SPAG16: variants seen among roughly 807,000 people sequenced by gnomAD.
SPAG16 encodes the protein sperm associated antigen 16, also known as sperm-associated antigen 16 protein.
Under a neutral mutation model 80.4 loss-of-function variants are expected in SPAG16, and 86 were observed. The ratio of observed to expected loss-of-function variants is 1.07; its 90% CI spans 0.90 to 1.28. The LOEUF (loss-of-function observed/expected upper bound fraction) is 1.28, where lower values mean the gene tolerates loss of function less well. SPAG16 is among the 50% of genes most tolerant of loss of function. SPAG16 has a pLI of 0.00. For synonymous variants in SPAG16, 294 were observed against 265.9 expected (o/e 1.11, Z -1.03); for missense variants, 870 against 765.3 (o/e 1.14, Z -1.61).
intron 9 of SPAG16, among the ~76,000 whole-genome samples, chr2:213,391,855 T>G (rs2067771265): frequency 6.6e-6 from 1 of 152,200 alleles, no homozygotes; most frequent in Non-Finnish European, 1.5e-5. Context: ...TGAGTATAGT[T>G]TCCCTGTTTC....
intron 15 of SPAG16, among the ~76,000 whole-genome samples, chr2:214,256,782 T>C (rs1196527189): frequency 2.0e-5 from 3 of 151,834 alleles, no homozygotes; most frequent in Non-Finnish European, 4.4e-5. Context: ...TGATCTATTG[T>C]CAATTTTTAT....
chr2:213,424,982 T>C (rs1355624798), intron 9 of SPAG16, among the ~76,000 whole-genome samples: 1 of 152,152 alleles, frequency 6.6e-6, no homozygotes, highest in Non-Finnish European at 1.5e-5. Flanking sequence ...GTGTCTAGTG[T>C]TTTTGTCAGG....
At chr2:214,167,068 A>G (rs1224536022) in intron 15 of SPAG16, among the ~76,000 whole-genome samples, 2 of 152,176 alleles carry the variant, frequency 1.3e-5, no homozygotes, top group Non-Finnish European at 2.9e-5. Flanking sequence ...GTTAGCATTT[A>G]TACCTAATGG....
At chr2:213,861,833 A>G (rs2075478534) in intron 10 of SPAG16, among the ~76,000 whole-genome samples, 1 of 152,034 alleles carries the variant, frequency 6.6e-6, no homozygotes, top group Admixed American at 6.6e-5. Flanking sequence ...CTTCTTTCTC[A>G]TTTCCCTCTA....
chr2:213,468,960 GTC>G (rs995051018), intron 9 of SPAG16, among the ~76,000 whole-genome samples: 3 of 151,956 alleles, frequency 2.0e-5, no homozygotes, highest in Non-Finnish European at 4.4e-5. Context: ...ACAATTTTCT[GTC>G]TGCTTTATAT....
intron 10 of SPAG16, among the ~76,000 whole-genome samples, chr2:213,662,846 G>A (rs2063474749): frequency 6.6e-6 from 1 of 152,020 alleles, no homozygotes; most frequent in Non-Finnish European, 1.5e-5. Context: ...TTGTATTAAA[G>A]TATTTGTATT....
intron 15 of SPAG16, among the ~76,000 whole-genome samples, chr2:214,160,743 T>A (rs2056404881): frequency 6.6e-6 from 1 of 152,078 alleles, no homozygotes; most frequent in Non-Finnish European, 1.5e-5. Context: ...CCATTCAATT[T>A]CTTGCTTTTT....
intron 13 of SPAG16, among the ~76,000 whole-genome samples, chr2:214,024,124 G>T (rs566742808): frequency 6.6e-6 from 1 of 151,476 alleles, no homozygotes; most frequent in Non-Finnish European, 1.5e-5. Flanking sequence ...TAATACTCCT[G>T]TCATAGTTGA....
intron 10 of SPAG16, among the ~76,000 whole-genome samples, chr2:213,713,331 G>C (rs2066089554): frequency 6.6e-6 from 1 of 152,200 alleles, no homozygotes; most frequent in Admixed American, 6.5e-5. Context: ...CCACACAAGA[G>C]AGAGAACTGG....
intron 9 of SPAG16, among the ~76,000 whole-genome samples, chr2:213,402,306 G>A (rs1343324039): frequency 6.6e-6 from 1 of 151,842 alleles, no homozygotes; most frequent in African/African-American, 2.4e-5. Flanking sequence ...TTTCAGAGAT[G>A]CAATTAGATA....
At chr2:213,466,512 G>A (rs1005508753) in intron 9 of SPAG16, among the ~76,000 whole-genome samples, 1 of 152,182 alleles carries the variant, frequency 6.6e-6, no homozygotes, top group Non-Finnish European at 1.5e-5. Flanking sequence ...GCAGAATCAT[G>A]TAATGCCCAA....
intron 10 of SPAG16, among the ~76,000 whole-genome samples, chr2:213,637,742 G>A (rs995348099): frequency 8.6e-5 from 13 of 151,936 alleles, no homozygotes; most frequent in African/African-American, 2.9e-4. Context: ...TGTATTCATA[G>A]TAGCCTTGAA....
At chr2:213,287,603 C>T (rs1418109788) in intron 1 of SPAG16, among the ~76,000 whole-genome samples, 1 of 152,152 alleles carries the variant, frequency 6.6e-6, no homozygotes, top group African/African-American at 2.4e-5. Flanking sequence ...TCTGGGCATT[C>T]TAATACTAAG....
rs557059051 is a variant in SPAG16 at position 213,654,585 on chromosome 2, T to C, written c.1070+164495T>C. Reference sequence around the variant, plus strand: ...AAAAAAAATTAGCCGGGTGTGGTGGTGGGCGCCTGTAGTCCCAGCTACTCG... The same window carrying C: ...AAAAAAAATTAGCCGGGTGTGGTGGCGGGCGCCTGTAGTCCCAGCTACTCG... On this transcript the variant is annotated intron_variant, in intron 10 of 15. Transcript: ENST00000331683. Among the ~76,000 whole-genome samples the C allele has an allele frequency of 1.0e-3, 134 of 129,516 alleles. 3 individuals are homozygous for C. The South Asian group carries it at 0.019, about 19-fold the overall frequency. 85.0% of individuals were successfully genotyped at this position (129,516 alleles called of 152,430 possible). A position where few individuals can be genotyped will look rare whatever the true frequency, so the allele number is the denominator to read the frequency against.
At chr2:214,350,545 T>A (rs941367768) in intron 15 of SPAG16, among the ~76,000 whole-genome samples, 5 of 152,266 alleles carry the variant, frequency 3.3e-5, no homozygotes, top group African/African-American at 1.2e-4. Flanking sequence ...CCTAGAGAAA[T>A]CTGATACCAA....
At chr2:213,507,543 T>C (rs965591555) in intron 10 of SPAG16, among the ~76,000 whole-genome samples, 11 of 152,228 alleles carry the variant, frequency 7.2e-5, no homozygotes, top group African/African-American at 1.2e-4. Context: ...CAGTAGATGA[T>C]AGTCTTTCAT....
intron 10 of SPAG16, among the ~76,000 whole-genome samples, chr2:213,632,214 G>T (rs746050755): frequency 6.6e-6 from 1 of 151,726 alleles, no homozygotes; most frequent in Non-Finnish European, 1.5e-5. Flanking sequence ...GTTATCCTAG[G>T]TATTTAATTT....
At chr2:213,642,831 A>C (rs1389633717) in intron 10 of SPAG16, among the ~76,000 whole-genome samples, 10 of 111,916 alleles carry the variant, frequency 8.9e-5, no homozygotes, top group Non-Finnish European at 1.7e-4. Context: ...AAAAAAAAAA[A>C]AAAAAAAAAA....
chr2:213,980,020 G>A (rs1392755621), intron 12 of SPAG16, among the ~76,000 whole-genome samples: 2 of 151,536 alleles, frequency 1.3e-5, no homozygotes, highest in South Asian at 4.2e-4. Context: ...GTATGGCATT[G>A]CCTATAGCAT....
Sources: allele counts gnomAD v4.1 joint callset (sites outside exome capture counted in the v4.1 genomes callset), GRCh38; gene constraint gnomAD v4.1.1; transcripts MANE v1.5; gene names NCBI Gene and HGNC (gene_info 2026-07-23, HGNC 2026-07-21).